CLC: variants seen among roughly 807,000 people sequenced by gnomAD.
CLC encodes Charcot-Leyden crystal galectin.
A neutral mutation model predicts 13.9 loss-of-function variants in CLC; 15 were observed. That is an observed-to-expected ratio of 1.08 (90% CI 0.72 to 1.66). The LOEUF is 1.66. CLC is among the 40% of genes most tolerant of loss of function. The pLI, the probability that CLC is intolerant of heterozygous loss-of-function variation, is 0.00. For missense variants in CLC, 161 were observed against 169.1 expected (o/e 0.95, Z 0.27); for synonymous variants, 68 against 59.9 (o/e 1.14, Z -0.63).
chr19:39,734,378 C>G lies in CLC; in HGVS notation c.208G>C (p.Gly70Arg). The change falls in exon 3 of 4, where the codon GGG becomes CGG. Residue 70 changes from glycine to arginine, a missense_variant. Transcript: ENST00000221804. The stretch of plus-strand genomic sequence containing the variant: ...GATTCCACCTGCTGCTTCCAGGCCC[C>G]ATACTCACGGCTGTTCATGACCACA... ...RRVVMNSREY[G>R]AWKQQVESKN... 6.2e-7 allele frequency: 1 copy of G among 1,614,072 alleles called. No individual in the cohort carries two copies. Among genetic ancestry groups the G allele is most frequent in the South Asian group, 1.1e-5 (1 of 91,068 alleles).
intron 3 of CLC, 26 bp downstream of exon 3, chr19:39,734,257 G>T: frequency 6.2e-7 from 1 of 1,606,700 alleles, no homozygotes; most frequent in Non-Finnish European, 8.5e-7. Context: ...TGGAAGCCGG[G>T]TGCGGGGAGC....
Position 39,734,124 on chromosome 19 carries a change from C to G in CLC, c.303+159G>C, listed in dbSNP as rs1384589952. Reference sequence around the variant, plus strand: ...TGTGTGTGTGATAAAAAGCCTGGGACAGGGGGAGTTATGGGTGATGAAAAG... The same window carrying G: ...TGTGTGTGTGATAAAAAGCCTGGGAGAGGGGGAGTTATGGGTGATGAAAAG... On this transcript the variant is annotated intron_variant, in intron 3 of 3. Transcript: ENST00000221804. The G allele has an allele frequency of 4.1e-6, 4 of 964,110 alleles. No homozygotes were observed. The African/African-American group carries it at 7.1e-5, about 17-fold the overall frequency. 59.7% of individuals were successfully genotyped at this position (964,110 alleles called of 1,614,324 possible).
rs1445420236 is a variant in CLC, at chr19:39,734,936, C to T, written c.92+61G>A. On this transcript the variant is annotated intron_variant, in intron 2 of 3. Transcript: ENST00000221804. The stretch of plus-strand genomic sequence containing the variant: ...TCCACATGATTCACACATGAGGTCA[C>T]CCCCTTAGAAAATATTCTTCCTCTT... The T allele has an allele frequency of 5.5e-6, 7 of 1,277,652 alleles. No homozygotes were observed. The Admixed American group carries it at 8.4e-5, about 15-fold the overall frequency. 79.1% of individuals were successfully genotyped at this position (1,277,652 alleles called of 1,614,324 possible).
chr19:39,737,435 A>C (rs1967329772), intron 1 of CLC, among the ~76,000 whole-genome samples: 1 of 151,948 alleles, frequency 6.6e-6, no homozygotes, highest in Admixed American at 6.6e-5. Flanking sequence ...GGCCACATGC[A>C]TGTTCCCAGT....
Position 39,732,083 on chromosome 19 carries a change from TTA to T in CLC, c.304-580_304-579del, listed in dbSNP as rs774148168. On this transcript the variant is annotated intron_variant, in intron 3 of 3. Transcript: ENST00000221804. ...GGTTATTAAATTATTTATTTATTATTTATTTTTTTTATTATACTTTAAGTTTT... is the reference window on the plus strand; with the variant it reads ...GGTTATTAAATTATTTATTTATTATTTTTTTTTTATTATACTTTAAGTTTT... Among the ~76,000 whole-genome samples, 42 of 34,406 alleles carry T rather than the reference TTA, an allele frequency of 1.2e-3. 1 individual carries two copies. The highest frequency in any genetic ancestry group is 0.017 in the Middle Eastern group (1 of 60). 22.6% of individuals were successfully genotyped at this position (34,406 alleles called of 152,430 possible).
intron 2 of CLC, 69 bp downstream of exon 2, chr19:39,734,926 CAT>C: frequency 8.4e-7 from 1 of 1,188,732 alleles, no homozygotes; most frequent in South Asian, 1.2e-5. Flanking sequence ...ATGATTCACA[CAT>C]GAGGTCACCC....
At chr19:39,731,832 T>C (rs565202548) in intron 3 of CLC, among the ~76,000 whole-genome samples, 1 of 152,286 alleles carries the variant, frequency 6.6e-6, no homozygotes, top group South Asian at 2.1e-4. Context: ...TCCCTGCATC[T>C]TGCACAGGGC....
Position 39,733,244 on chromosome 19 carries a change from G to A in CLC, c.303+1039C>T, listed in dbSNP as rs7253094. Among the ~76,000 whole-genome samples the A allele has an allele frequency of 2.6e-3, 388 of 152,140 alleles. 1 individual carries two copies. The highest frequency in any genetic ancestry group is 8.1e-3 in the African/African-American group (336 of 41,516). On this transcript the variant is annotated intron_variant, in intron 3 of 3. Transcript: ENST00000221804. ...CTATGAGGATATTATCTTTAACAGCGTATAAACATAGAAAAACACCTCTGA... is the reference window on the plus strand; with the variant it reads ...CTATGAGGATATTATCTTTAACAGCATATAAACATAGAAAAACACCTCTGA...
At chr19:39,732,912 AAAATTGAC>A (rs1967247953) in intron 3 of CLC, among the ~76,000 whole-genome samples, 1 of 137,580 alleles carries the variant, frequency 7.3e-6, no homozygotes. Context: ...AACAAAAGAC[AAAATTGAC>A]AAATGGGATC....
intron 1 of CLC, among the ~76,000 whole-genome samples, 184 bp from the exon 2 acceptor site, chr19:39,735,257 C>T (rs1430160021): frequency 6.6e-6 from 1 of 152,164 alleles, no homozygotes; most frequent in Non-Finnish European, 1.5e-5. Flanking sequence ...AAGAGCAGAG[C>T]TTCAGAAACT....
Position 39,731,552 on chromosome 19 carries a change from AAGCTTTCAG to A in CLC, c.304-56_304-48del, listed in dbSNP as rs778336229. Reference sequence around the variant, plus strand: ...TCAGAAAGACAGTATTTCACCAAACAAGCTTTCAGCCTGCTCTCTATGGTGTCATAGTAC... The same window carrying A: ...TCAGAAAGACAGTATTTCACCAAACACCTGCTCTCTATGGTGTCATAGTAC... On this transcript the variant is annotated intron_variant, in intron 3 of 3. Transcript: ENST00000221804. 55 of 1,563,070 alleles carry A rather than the reference AAGCTTTCAG, an allele frequency of 3.5e-5. No homozygotes were observed. The African/African-American group carries it at 7.2e-4, about 20-fold the overall frequency.
At chr19:39,736,462 G>A (rs1967312737) in intron 1 of CLC, among the ~76,000 whole-genome samples, 1 of 152,132 alleles carries the variant, frequency 6.6e-6, no homozygotes, top group Non-Finnish European at 1.5e-5. Context: ...ACCTAGGCTG[G>A]AATGCAGTGG....
At position 39,731,347 on chromosome 19, in the gene CLC, G is replaced by C. The variant is rs1248985148; in HGVS notation, c.*33C>G. The C allele has an allele frequency of 4.3e-6, 7 of 1,609,792 alleles. No homozygotes were observed. The highest frequency in any genetic ancestry group is 5.9e-6 in the Non-Finnish European group (7 of 1,177,670). ...GGCTTTGGAATCCCAAGTTCACGTA[G>C]AGACAGGGATTCCTTGGCAACATGA... On this transcript the variant is annotated 3_prime_UTR_variant, in exon 4 of 4. Transcript: ENST00000221804.
chr19:39,731,603 G>C, intron 3 of CLC, 98 bp from the exon 4 acceptor site: 1 of 1,301,492 alleles, frequency 7.7e-7, no homozygotes, highest in South Asian at 1.5e-5. Context: ...CATCCAACCA[G>C]AAAATGCCTC....
rs543173129 is a variant in CLC, at chr19:39,736,192, C to CAA, written c.16-1121_16-1120dup. Among the ~76,000 whole-genome samples, 256 of 131,972 alleles carry CAA rather than the reference C, an allele frequency of 1.9e-3. 1 individual carries two copies. The highest frequency in any genetic ancestry group is 5.5e-3 in the African/African-American group (205 of 37,142). The allele number at this position is 131,972 out of a possible 152,430, so 86.6% of individuals were successfully genotyped here. Reference sequence around the variant, plus strand: ...TATTTTTTATTATCATTTTAACCACCAAAAAAAAAAAGAAAGAAAGAAACA... The same window carrying CAA: ...TATTTTTTATTATCATTTTAACCACCAAAAAAAAAAAAAGAAAGAAAGAAACA... On this transcript the variant is annotated intron_variant, in intron 1 of 3. Transcript: ENST00000221804.
Position 39,734,284 on chromosome 19 carries a change from T to C in CLC, c.302A>G (p.Gln101Arg). The C allele has an allele frequency of 1.2e-6, 2 of 1,613,382 alleles. No homozygotes were observed. Among genetic ancestry groups the C allele is most frequent in the Non-Finnish European group, 1.7e-6 (2 of 1,179,888 alleles). Residue 101 changes from glutamine to arginine, a missense_variant and splice_region_variant, in exon 3 of 4, where the codon CAG (glutamine) becomes CGG (arginine). By Grantham distance (43) the Gln-to-Arg change is conservative (BLOSUM62 1). Transcript: ENST00000221804. ...GCGGGGAGCTCCTGGGGTGCTCACCTGGTACTTATCTGGCAGCACTGAGAT... is the reference window on the plus strand; with the variant it reads ...GCGGGGAGCTCCTGGGGTGCTCACCCGGTACTTATCTGGCAGCACTGAGAT... The part of the protein sequence containing the change: ...LSISVLPDKY[Q>R]VMVNGQSSYT...
intron 3 of CLC, 70 bp from the exon 4 acceptor site, chr19:39,731,575 G>GT: frequency 1.3e-6 from 2 of 1,502,468 alleles, no homozygotes; most frequent in Non-Finnish European, 1.8e-6. Context: ...GCTCTCTATG[G>GT]TGTCATAGTA....
intron 3 of CLC, among the ~76,000 whole-genome samples, chr19:39,732,244 A>C (rs1442437988): frequency 3.8e-5 from 3 of 78,652 alleles, no homozygotes; most frequent in African/African-American, 1.6e-4. Flanking sequence ...CCCCCACCCC[A>C]CAACAGTCCC....
At chr19:39,736,070 C>G (rs2238678) in intron 1 of CLC, among the ~76,000 whole-genome samples, 73,228 of 151,792 alleles carry the variant, frequency 0.48, 18,224 homozygotes, top group South Asian at 0.63. Context: ...GAATACCAAA[C>G]GATTTTCCAA....
Sources: allele counts gnomAD v4.1 joint callset (sites outside exome capture counted in the v4.1 genomes callset), GRCh38; gene constraint gnomAD v4.1.1; transcripts MANE v1.5; gene names NCBI Gene and HGNC (gene_info 2026-07-23, HGNC 2026-07-21).